The following TMEM156 variants were observed in gnomAD, a reference collection of about 807,000 sequenced individuals.
The protein encoded by TMEM156 is transmembrane protein 156.
TMEM156 carries 28 observed loss-of-function variants against 30.5 expected under a neutral mutation model. The ratio of observed to expected loss-of-function variants is 0.92; its 90% CI spans 0.68 to 1.26. The LOEUF (loss-of-function observed/expected upper bound fraction) is 1.26, where lower values mean the gene tolerates loss of function less well. TMEM156 is among the 50% of genes most tolerant of loss of function. The probability of loss-of-function intolerance (pLI) is 0.00; values close to 1 mark genes in which losing one functional copy is unlikely to be tolerated. For missense variants in TMEM156, 351 were observed against 340.6 expected (o/e 1.03, Z -0.24); for synonymous variants, 137 against 119.9 (o/e 1.14, Z -0.93).
intron 2 of TMEM156, among the ~76,000 whole-genome samples, chr4:38,997,241 G>A (rs528436807): frequency 5.9e-5 from 9 of 152,238 alleles, no homozygotes; most frequent in Admixed American, 3.9e-4. Flanking sequence ...GAGGAGTTAC[G>A]GCACTACTTG....
chr4:38,975,075 T>C (rs1722783010), intron 5 of TMEM156, among the ~76,000 whole-genome samples: 1 of 152,130 alleles, frequency 6.6e-6, no homozygotes, highest in South Asian at 2.1e-4. Context: ...ACGGAAAAAC[T>C]AAAATCACCA....
chr4:38,991,084 C>G (rs146834319), intron 3 of TMEM156, among the ~76,000 whole-genome samples: 1,895 of 151,884 alleles, frequency 0.012, 39 homozygotes, highest in African/African-American at 0.043. Context: ...ATCCACCCAC[C>G]TTGGCCTCCC....
At chr4:38,997,394 A>G (rs1374390659) in intron 2 of TMEM156, among the ~76,000 whole-genome samples, 1 of 152,234 alleles carries the variant, frequency 6.6e-6, no homozygotes, top group Non-Finnish European at 1.5e-5. Context: ...TATTCATGTA[A>G]CAAACTTGCA....
intron 3 of TMEM156, among the ~76,000 whole-genome samples, chr4:38,992,136 A>G (rs1712510210): frequency 1.3e-5 from 2 of 152,218 alleles, no homozygotes. Flanking sequence ...TACAATAATT[A>G]AAGCTTTAGA....
intron 1 of TMEM156, among the ~76,000 whole-genome samples, chr4:39,018,845 A>G (rs1193183036): frequency 6.6e-6 from 1 of 151,864 alleles, no homozygotes; most frequent in Non-Finnish European, 1.5e-5. Context: ...ACATGGTGAA[A>G]CCCCGTCTCT....
chr4:39,031,426 A>C (rs1333611418), intron 1 of TMEM156, among the ~76,000 whole-genome samples: 1 of 152,114 alleles, frequency 6.6e-6, no homozygotes, highest in Non-Finnish European at 1.5e-5. Flanking sequence ...ATTTCCACTC[A>C]CCTTATTTTG....
At chr4:38,969,718 C>T (rs1722507255) in intron 6 of TMEM156, among the ~76,000 whole-genome samples, 1 of 152,050 alleles carries the variant, frequency 6.6e-6, no homozygotes, top group South Asian at 2.1e-4. Context: ...TCAGCCTCCC[C>T]AGTAGCTGGG....
chr4:38,986,525 A>T, intron 4 of TMEM156, 106 bp from the exon 5 acceptor site: 1 of 824,896 alleles, frequency 1.2e-6, no homozygotes, highest in Non-Finnish European at 2.0e-6. Context: ...GGAGCCATTC[A>T]TGGCCAGGCA....
At chr4:38,967,804 C>T (rs1722414975) in intron 6 of TMEM156, among the ~76,000 whole-genome samples, 163 bp from the exon 7 acceptor site, 2 of 152,254 alleles carry the variant, frequency 1.3e-5, no homozygotes. Context: ...AGGGCTCTTT[C>T]AGGGCAACCT....
intron 1 of TMEM156, among the ~76,000 whole-genome samples, chr4:38,999,888 A>G (rs1713215815): frequency 6.6e-6 from 1 of 152,220 alleles, no homozygotes; most frequent in African/African-American, 2.4e-5. Context: ...ACTTAGTCAC[A>G]TCTGTAAAGA....
chr4:38,993,661 AAT>A (rs2109956679), intron 3 of TMEM156, 75 bp downstream of exon 3: 1 of 1,267,454 alleles, frequency 7.9e-7, no homozygotes, highest in East Asian at 2.3e-5. Context: ...GCTTTCAGTT[AAT>A]GTGATAGCCC....
At chr4:38,979,650 G>A (rs1017545907) in intron 5 of TMEM156, among the ~76,000 whole-genome samples, 4 of 152,158 alleles carry the variant, frequency 2.6e-5, no homozygotes, top group Non-Finnish European at 4.4e-5. Context: ...TCACACTTTG[G>A]GAGATGCAGC....
intron 5 of TMEM156, among the ~76,000 whole-genome samples, chr4:38,973,891 T>G (rs910510141): frequency 2.0e-5 from 3 of 152,236 alleles, no homozygotes; most frequent in African/African-American, 7.2e-5. Context: ...TGTCTTATTT[T>G]TATTAGAAGT....
chr4:38,988,891 G>A lies in TMEM156; in HGVS notation c.699C>T (p.Arg233=). The A allele has an allele frequency of 6.2e-7, 1 of 1,614,038 alleles. No individual in the cohort carries two copies. Among genetic ancestry groups the A allele is most frequent in the Non-Finnish European group, 8.5e-7 (1 of 1,179,978 alleles). The change falls in exon 4 of 7, where the codon CGC becomes CGT. Residue 233 remains arginine, a synonymous_variant. Transcript: ENST00000381938. ...VFIFLIILTI[R]KILEGQRRVQ... The stretch of plus-strand genomic sequence containing the variant: ...CTCTTCTCTGGCCTTCAAGTATTTT[G>A]CGGATAGTGAGGATGATCAAAAATA...
intron 2 of TMEM156, among the ~76,000 whole-genome samples, chr4:38,994,273 T>C (rs1311047475): frequency 1.3e-5 from 2 of 152,060 alleles, no homozygotes; most frequent in Non-Finnish European, 2.9e-5. Flanking sequence ...TACAGGTGTA[T>C]GCCACTATGC....
At chr4:39,027,403 A>G (rs959345675) in intron 1 of TMEM156, among the ~76,000 whole-genome samples, 2 of 152,180 alleles carry the variant, frequency 1.3e-5, no homozygotes, top group Admixed American at 6.5e-5. Context: ...TTCACTGTTC[A>G]TTATACCACC....
chr4:38,988,728 G>C lies in TMEM156; in HGVS notation c.739+123C>G, dbSNP rs745349358. 6 of 1,284,390 alleles carry C rather than the reference G, an allele frequency of 4.7e-6. No individual in the cohort carries two copies. The African/African-American group carries it at 9.0e-5, about 19-fold the overall frequency. The allele number at this position is 1,284,390 out of a possible 1,614,324, so 79.6% of individuals were successfully genotyped here. ...TGTTTTATCTACGTTTTTATTCCTTGAGTTACCAAGAATCACCACTTATTC... is the reference window on the plus strand; with the variant it reads ...TGTTTTATCTACGTTTTTATTCCTTCAGTTACCAAGAATCACCACTTATTC... On this transcript the variant is annotated intron_variant, in intron 4 of 6. Transcript: ENST00000381938.
chr4:39,000,469 G>A (rs189716608), intron 1 of TMEM156, among the ~76,000 whole-genome samples: 26 of 152,294 alleles, frequency 1.7e-4, no homozygotes, highest in Non-Finnish European at 4.4e-5. Context: ...TAATCTCCAC[G>A]AGTCTAATTT....
chr4:38,989,060 T>C (rs571231912), intron 3 of TMEM156, 90 bp from the exon 4 acceptor site: 3 of 1,332,138 alleles, frequency 2.3e-6, no homozygotes, highest in East Asian at 4.7e-5. Flanking sequence ...CTACAACATA[T>C]TCTGCCCTGA....
Sources: gnomAD v4.1 joint callset for allele counts (sites outside exome capture counted in the v4.1 genomes callset) on GRCh38, gnomAD v4.1.1 for gene constraint, MANE v1.5 for transcripts, NCBI Gene and HGNC (gene_info 2026-07-23, HGNC 2026-07-21) for gene names.